Variants in QTMAN observed in about 807,000 individuals in gnomAD.
QTMAN encodes the protein queuosine-tRNA mannosyltransferase.
At chr2:144,047,165 G>C in the QTMAN span, among the ~76,000 whole-genome samples, 3 of 152,164 alleles carry the variant, frequency 2.0e-5, no homozygotes, top group Non-Finnish European at 4.4e-5. Context: ...CAGCTACTCA[G>C]GAGGCTGAGG....
At chr2:144,297,593 T>C in the QTMAN span, among the ~76,000 whole-genome samples, 8 of 148,504 alleles carry the variant, frequency 5.4e-5, no homozygotes, top group African/African-American at 2.0e-4. Flanking sequence ...TTTTTTTTTT[T>C]TTTTTGAGAC....
chr2:144,232,303 T>G, the QTMAN span, among the ~76,000 whole-genome samples: 5 of 151,560 alleles, frequency 3.3e-5, no homozygotes, highest in African/African-American at 1.2e-4. Context: ...CTGATACACC[T>G]CTGTTTTACA....
chr2:144,160,479 A>G, the QTMAN span, among the ~76,000 whole-genome samples: 1 of 152,184 alleles, frequency 6.6e-6, no homozygotes, highest in East Asian at 1.9e-4. Context: ...CAAATCTCAC[A>G]TGAGTATTAC....
the QTMAN span, among the ~76,000 whole-genome samples, chr2:144,078,414 A>G: frequency 6.6e-6 from 1 of 152,232 alleles, no homozygotes; most frequent in Non-Finnish European, 1.5e-5. Flanking sequence ...AGACACACAC[A>G]AACAGACTTG....
the QTMAN span, among the ~76,000 whole-genome samples, chr2:143,954,551 C>G: frequency 1.3e-5 from 2 of 151,890 alleles, no homozygotes; most frequent in African/African-American, 4.8e-5. Flanking sequence ...AAAAAATTTA[C>G]AAATTTTGGA....
chr2:143,982,573 A>G, the QTMAN span, among the ~76,000 whole-genome samples: 1 of 151,470 alleles, frequency 6.6e-6, no homozygotes, highest in East Asian at 2.0e-4. Flanking sequence ...AAGAATAGAT[A>G]GCAGAGGCTG....
chr2:144,299,786 T>C, the QTMAN span, among the ~76,000 whole-genome samples: 15 of 152,314 alleles, frequency 9.8e-5, no homozygotes, highest in African/African-American at 2.2e-4. Context: ...CTCAAAAGAA[T>C]TGAAATCAGG....
At chr2:144,239,702 A>G in the QTMAN span, among the ~76,000 whole-genome samples, 1 of 152,222 alleles carries the variant, frequency 6.6e-6, no homozygotes, top group Non-Finnish European at 1.5e-5. Context: ...TTGTATTGCC[A>G]TCATTCATTG....
chr2:144,162,878 A>G, the QTMAN span, among the ~76,000 whole-genome samples: 1 of 152,204 alleles, frequency 6.6e-6, no homozygotes, highest in African/African-American at 2.4e-5. Context: ...GTTTGCAGAT[A>G]GGGGGCATCA....
the QTMAN span, among the ~76,000 whole-genome samples, chr2:144,037,107 G>A: frequency 3.3e-5 from 5 of 152,174 alleles, no homozygotes; most frequent in Non-Finnish European, 7.4e-5. Context: ...GGGGTAGGGA[G>A]AAGTAGGAAT....
At chr2:144,094,814 T>C in the QTMAN span, among the ~76,000 whole-genome samples, 1 of 152,198 alleles carries the variant, frequency 6.6e-6, no homozygotes, top group African/African-American at 2.4e-5. Flanking sequence ...AGAATGTCAA[T>C]GAATTATTCA....
At chr2:144,019,468 GTGTGTGTGTGTGTGTA>G in the QTMAN span, among the ~76,000 whole-genome samples, 5 of 149,282 alleles carry the variant, frequency 3.3e-5, no homozygotes, top group African/African-American at 7.5e-5. Context: ...GTGTGTGTGT[GTGTGTGTGTGTGTGTA>G]TGTAGTTTTA....
At chr2:144,021,119 T>C in the QTMAN span, among the ~76,000 whole-genome samples, 12 of 151,378 alleles carry the variant, frequency 7.9e-5, no homozygotes, top group Non-Finnish European at 1.5e-4. Flanking sequence ...TACTGATGTA[T>C]TGAGTTCCTA....
chr2:144,321,408 GTTAA>G, the QTMAN span, among the ~76,000 whole-genome samples: 1 of 152,180 alleles, frequency 6.6e-6, no homozygotes, highest in Non-Finnish European at 1.5e-5. Flanking sequence ...ACAAAAAGAT[GTTAA>G]TTAGTCCATA....
chr2:144,183,697 C>T, the QTMAN span, among the ~76,000 whole-genome samples: 1 of 152,084 alleles, frequency 6.6e-6, no homozygotes, highest in Non-Finnish European at 1.5e-5. Flanking sequence ...TCTTATCTTC[C>T]CAAATGTAAC....
At chr2:144,269,479 C>T in the QTMAN span, among the ~76,000 whole-genome samples, 3 of 152,026 alleles carry the variant, frequency 2.0e-5, no homozygotes. Context: ...TAAAATGTTA[C>T]ACCAAAGAAA....
chr2:144,194,910 C>T, the QTMAN span, among the ~76,000 whole-genome samples: 23 of 152,220 alleles, frequency 1.5e-4, no homozygotes, highest in Admixed American at 2.6e-4. Context: ...ACTACCCCTC[C>T]ACATTTTAAA....
the QTMAN span, among the ~76,000 whole-genome samples, chr2:144,267,771 AAGAG>A: frequency 3.9e-5 from 6 of 152,146 alleles, no homozygotes; most frequent in South Asian, 2.1e-4. Context: ...GAAAGACAAA[AAGAG>A]AGAGAGGTGA....
the QTMAN span, among the ~76,000 whole-genome samples, chr2:144,262,301 G>A: frequency 5.9e-5 from 9 of 152,134 alleles, no homozygotes; most frequent in African/African-American, 1.9e-4. Context: ...TCAAGATGCT[G>A]TTCTTACCGG....
Sources: gnomAD v4.1 joint callset for allele counts (sites outside exome capture counted in the v4.1 genomes callset) on GRCh38, gnomAD v4.1.1 for gene constraint, MANE v1.5 for transcripts, NCBI Gene and HGNC (gene_info 2026-07-23, HGNC 2026-07-21) for gene names.